Variants in PTPRN2 observed in about 807,000 individuals in gnomAD.
The protein encoded by PTPRN2 is protein tyrosine phosphatase receptor type N2.
A neutral mutation model predicts 118.8 loss-of-function variants in PTPRN2; 74 were observed. The observed-to-expected ratio is 0.62, with a 90% CI of 0.52 to 0.76. The LOEUF is 0.76. PTPRN2 is among the 30% of genes least tolerant of loss of function. The probability of loss-of-function intolerance (pLI) is 0.00; values close to 1 mark genes in which losing one functional copy is unlikely to be tolerated. For missense variants in PTPRN2, 1,481 were observed against 1,394.4 expected (o/e 1.06, Z -0.99); for synonymous variants, 641 against 608.0 (o/e 1.05, Z -0.80).
At chr7:158,460,543 G>A (rs1453386119) in intron 2 of PTPRN2, among the ~76,000 whole-genome samples, 5 of 148,688 alleles carry the variant, frequency 3.4e-5, no homozygotes, top group South Asian at 2.2e-4. Flanking sequence ...GCTGTGTGCC[G>A]AGACCACAGG....
chr7:157,891,888 A>G (rs1362601466), intron 12 of PTPRN2, among the ~76,000 whole-genome samples: 2 of 152,190 alleles, frequency 1.3e-5, no homozygotes, highest in Non-Finnish European at 2.9e-5. Flanking sequence ...CTCCCTCAGC[A>G]GAGATGGGGG....
At chr7:158,025,256 A>G (rs1807179605) in intron 11 of PTPRN2, among the ~76,000 whole-genome samples, 1 of 152,168 alleles carries the variant, frequency 6.6e-6, no homozygotes. Flanking sequence ...TAAAGCCACA[A>G]TGCAGTTGAT....
chr7:158,388,112 G>A (rs1811644327), intron 2 of PTPRN2, among the ~76,000 whole-genome samples: 1 of 152,030 alleles, frequency 6.6e-6, no homozygotes, highest in South Asian at 2.1e-4. Flanking sequence ...CCCGACCCCA[G>A]GATGTAGCCA....
At chr7:157,886,041 T>C (rs1473343533) in intron 12 of PTPRN2, among the ~76,000 whole-genome samples, 1 of 152,212 alleles carries the variant, frequency 6.6e-6, no homozygotes. Flanking sequence ...TTTCTTCATC[T>C]CTTTAAGCAA....
chr7:157,716,438 C>A (rs572384007), intron 12 of PTPRN2, among the ~76,000 whole-genome samples: 3 of 106,410 alleles, frequency 2.8e-5, no homozygotes, highest in African/African-American at 9.1e-5. Flanking sequence ...GTAGACTCTG[C>A]AGGAACACTG....
intron 11 of PTPRN2, among the ~76,000 whole-genome samples, chr7:158,000,636 G>A (rs200266352): frequency 1.6e-5 from 2 of 128,330 alleles, no homozygotes; most frequent in African/African-American, 3.1e-5. Context: ...CGGGCCGCAG[G>A]TGGGGAGCAG....
chr7:157,834,991 G>A lies in PTPRN2; in HGVS notation c.1788+63682C>T, dbSNP rs549554687. 1.4e-4 allele frequency among the ~76,000 whole-genome samples: 22 copies of A among 152,294 alleles called. 1 individual carries two copies. The Middle Eastern group carries it at 0.014, about 94-fold the overall frequency. ...CTGCTGTGGGTGGTGAATGGAGCTG[G>A]GGCAGTGATGAGCTACTTCTTGCCT... On this transcript the variant is annotated intron_variant, in intron 12 of 22. Coordinates refer to ENST00000389418, the MANE Select transcript of PTPRN2 (RefSeq NM_002847.5).
chr7:158,484,003 G>A (rs960602948), intron 2 of PTPRN2, among the ~76,000 whole-genome samples: 5 of 152,132 alleles, frequency 3.3e-5, no homozygotes, highest in African/African-American at 1.2e-4. Context: ...AAATAGCCAG[G>A]CATGATGGTG....
intron 11 of PTPRN2, among the ~76,000 whole-genome samples, chr7:157,958,779 C>T (rs1255847846): frequency 6.6e-6 from 1 of 152,102 alleles, no homozygotes; most frequent in African/African-American, 2.4e-5. Context: ...GAAAGACATC[C>T]CATCTTCACG....
rs1800634690 is a variant in PTPRN2 at position 157,585,671 on chromosome 7, C to T, written c.2497-7531G>A. ...GCGGGGAGCTGCTGCACTGGGCGGC[C>T]TTTCCTTTTCAAGATCAGGACCTGA... On this transcript the variant is annotated intron_variant, in intron 17 of 22. Coordinates refer to ENST00000389418, the MANE Select transcript of PTPRN2 (RefSeq NM_002847.5). The surrounding 1 kb of genome is among the most constrained non-coding windows in gnomAD (Gnocchi z 5.2). 6.6e-6 allele frequency among the ~76,000 whole-genome samples: 1 copy of T among 152,166 alleles called. No individual in the cohort carries two copies. Among genetic ancestry groups the T allele is most frequent in the South Asian group, 2.1e-4 (1 of 4,828 alleles).
intron 11 of PTPRN2, among the ~76,000 whole-genome samples, chr7:157,982,047 A>G (rs55673052): frequency 1.1e-3 from 153 of 144,512 alleles, no homozygotes; most frequent in Non-Finnish European, 1.3e-3. Flanking sequence ...CCCAAACCCC[A>G]AATCATAGAG....
At chr7:158,004,214 A>T (rs1805488272) in intron 11 of PTPRN2, among the ~76,000 whole-genome samples, 1 of 152,142 alleles carries the variant, frequency 6.6e-6, no homozygotes, top group African/African-American at 2.4e-5. Context: ...AGAAGTAGGC[A>T]GGGTCTAGGG....
At chr7:158,491,381 C>T (rs1296101614) in intron 1 of PTPRN2, among the ~76,000 whole-genome samples, 9 of 152,252 alleles carry the variant, frequency 5.9e-5, no homozygotes, top group Admixed American at 5.9e-4. Context: ...CCAGCAGTCA[C>T]AGGCGGGTGG....
chr7:157,693,692 C>G (rs538587222), intron 12 of PTPRN2, among the ~76,000 whole-genome samples: 1 of 152,266 alleles, frequency 6.6e-6, no homozygotes, highest in South Asian at 2.1e-4. Flanking sequence ...CCCGGCCAGG[C>G]CGGCTCCGGG....
chr7:158,061,519 G>C (rs777651159), intron 11 of PTPRN2, among the ~76,000 whole-genome samples: 1 of 152,248 alleles, frequency 6.6e-6, no homozygotes, highest in Non-Finnish European at 1.5e-5. Context: ...GGAGAGACCA[G>C]CTGCTGCTGT....
chr7:157,942,220 C>T (rs1446326753), intron 11 of PTPRN2, among the ~76,000 whole-genome samples: 2 of 126,056 alleles, frequency 1.6e-5, no homozygotes, highest in African/African-American at 3.4e-5. Flanking sequence ...CCACCCTCCA[C>T]ACACGGGAGT....
chr7:158,524,299 G>C (rs1236228779), intron 1 of PTPRN2, among the ~76,000 whole-genome samples: 1 of 40,948 alleles, frequency 2.4e-5, no homozygotes, highest in Admixed American at 2.7e-4. Flanking sequence ...GTCTGCCCTG[G>C]AGTGGAGTCG....
chr7:158,128,978 C>T (rs988530630), intron 9 of PTPRN2, among the ~76,000 whole-genome samples: 4 of 151,842 alleles, frequency 2.6e-5, no homozygotes, highest in Admixed American at 1.3e-4. Flanking sequence ...ATACCCCACA[C>T]CACACCTACA....
chr7:157,777,645 C>G (rs1803413806), intron 12 of PTPRN2, among the ~76,000 whole-genome samples: 1 of 152,250 alleles, frequency 6.6e-6, no homozygotes. Flanking sequence ...CATGTGGATT[C>G]AGAGCTAGGG....
Sources: gnomAD v4.1 joint callset for allele counts (sites outside exome capture counted in the v4.1 genomes callset) on GRCh38, gnomAD v4.1.1 for gene constraint, Gnocchi (gnomAD v3.1) non-coding constraint, MANE v1.5 for transcripts, NCBI Gene and HGNC (gene_info 2026-07-23, HGNC 2026-07-21) for gene names.